Variants in RANBP2 observed in about 807,000 individuals in gnomAD.
RANBP2 encodes the protein RAN binding protein 2.
A neutral mutation model predicts 303.6 loss-of-function variants in RANBP2; 57 were observed. That is an observed-to-expected ratio of 0.19 (90% CI 0.15 to 0.23). The LOEUF (loss-of-function observed/expected upper bound fraction) is 0.23, where lower values mean the gene tolerates loss of function less well. Ranked by LOEUF, RANBP2 falls within the 10% of genes least tolerant of loss-of-function variation. The pLI is 1.00. For synonymous variants in RANBP2, 1,167 were observed against 1,301.5 expected, an observed-to-expected ratio of 0.90 and a Z score of 2.23; for missense variants, 3,138 against 3,780.8, an observed-to-expected ratio of 0.83 and a Z score of 4.46.
chr2:109,555,107 A>G, the RANBP2 span, among the ~76,000 whole-genome samples: 2 of 152,028 alleles, frequency 1.3e-5, no homozygotes, highest in Non-Finnish European at 2.9e-5. Flanking sequence ...TCTTTCTTTC[A>G]CTTTGTTCTT....
chr2:109,547,857 C>T, the RANBP2 span, among the ~76,000 whole-genome samples: 2 of 152,206 alleles, frequency 1.3e-5, no homozygotes, highest in African/African-American at 4.8e-5. Context: ...GGAAACTCAG[C>T]TTGCTCCAGC....
chr2:108,720,426 A>G (rs13003486), intron 1 of RANBP2, among the ~76,000 whole-genome samples: 3 of 152,164 alleles, frequency 2.0e-5, no homozygotes, highest in Admixed American at 6.5e-5. Context: ...TTTTCCACAA[A>G]TGTTTTAAGG....
At chr2:109,396,322 A>T in the RANBP2 span, among the ~76,000 whole-genome samples, 40 of 152,338 alleles carry the variant, frequency 2.6e-4, 1 homozygote, top group African/African-American at 9.6e-4. Context: ...ATTTCAAAGG[A>T]AATAACCCTA....
the RANBP2 span, among the ~76,000 whole-genome samples, chr2:109,441,415 A>G: frequency 2.0e-5 from 3 of 152,358 alleles, no homozygotes; most frequent in African/African-American, 7.2e-5. Flanking sequence ...AGAATATACT[A>G]GATGGAATTA....
At chr2:109,125,656 T>C in the RANBP2 span, among the ~76,000 whole-genome samples, 1 of 152,264 alleles carries the variant, frequency 6.6e-6, no homozygotes, top group African/African-American at 2.4e-5. Flanking sequence ...AGTACATAGA[T>C]GACTCATGTT....
the RANBP2 span, among the ~76,000 whole-genome samples, chr2:109,675,683 A>G: frequency 1.3e-5 from 2 of 151,780 alleles, no homozygotes; most frequent in Non-Finnish European, 2.9e-5. Flanking sequence ...ACTCTGTCTC[A>G]AAAAATAAGA....
At chr2:109,432,482 C>T in the RANBP2 span, 1 of 1,612,150 alleles carries the variant, frequency 6.2e-7, no homozygotes, top group Non-Finnish European at 8.5e-7. Context: ...CTGACACTGG[C>T]CCCATGCTTT....
the RANBP2 span, among the ~76,000 whole-genome samples, chr2:109,764,550 T>C: frequency 6.7e-6 from 1 of 149,954 alleles, no homozygotes; most frequent in East Asian, 2.0e-4. Context: ...ATTAGTGTTA[T>C]TGTCAAATGA....
the RANBP2 span, among the ~76,000 whole-genome samples, chr2:109,548,724 C>T: frequency 1.3e-4 from 17 of 129,930 alleles, no homozygotes; most frequent in African/African-American, 3.4e-4. Context: ...TGCAGTGAGC[C>T]GAGATAGCGC....
chr2:109,188,545 C>T, the RANBP2 span, among the ~76,000 whole-genome samples: 36 of 152,324 alleles, frequency 2.4e-4, 2 homozygotes, highest in South Asian at 6.0e-3. Context: ...AGCGGCATCC[C>T]CCGTCATTGT....
At chr2:109,293,030 A>G in the RANBP2 span, among the ~76,000 whole-genome samples, 6 of 152,124 alleles carry the variant, frequency 3.9e-5, no homozygotes, top group African/African-American at 1.4e-4. Flanking sequence ...CCGCACCCCA[A>G]TTTGACATTT....
chr2:108,932,111 G>A, the RANBP2 span, among the ~76,000 whole-genome samples: 175 of 152,250 alleles, frequency 1.1e-3, 1 homozygote, highest in African/African-American at 3.9e-3. Context: ...ACACCGTGAC[G>A]AACATATGCC....
the RANBP2 span, among the ~76,000 whole-genome samples, chr2:108,881,972 T>C: frequency 6.6e-6 from 1 of 152,004 alleles, no homozygotes; most frequent in African/African-American, 2.4e-5. Flanking sequence ...AGCAAGACCC[T>C]GTTTCTACAA....
the RANBP2 span, among the ~76,000 whole-genome samples, chr2:109,541,920 G>A: frequency 6.6e-6 from 1 of 152,148 alleles, no homozygotes; most frequent in Non-Finnish European, 1.5e-5. Flanking sequence ...TAGGAACACG[G>A]GGCTTACACT....
At chr2:108,856,925 C>T in the RANBP2 span, 6 of 1,612,430 alleles carry the variant, frequency 3.7e-6, no homozygotes, top group South Asian at 5.5e-5. Context: ...TAAAGGACTC[C>T]TGTCTAATGT....
At chr2:109,557,791 A>G in the RANBP2 span, among the ~76,000 whole-genome samples, 1 of 152,240 alleles carries the variant, frequency 6.6e-6, no homozygotes, top group Admixed American at 6.5e-5. Flanking sequence ...AAAAATAAAA[A>G]CATTTTCTTG....
chr2:109,349,615 C>A, the RANBP2 span, among the ~76,000 whole-genome samples: 1 of 152,186 alleles, frequency 6.6e-6, no homozygotes, highest in East Asian at 1.9e-4. Context: ...GGAGACAGAC[C>A]CCATAATGGC....
At chr2:109,262,137 T>G in the RANBP2 span, among the ~76,000 whole-genome samples, 1 of 152,132 alleles carries the variant, frequency 6.6e-6, no homozygotes, top group East Asian at 1.9e-4. Context: ...GGGAAATGCT[T>G]ATTATTACAG....
At chr2:109,141,198 C>T in the RANBP2 span, among the ~76,000 whole-genome samples, 6,640 of 152,302 alleles carry the variant, frequency 0.044, 211 homozygotes, top group Non-Finnish European at 0.067. Flanking sequence ...TGTGCAGTTT[C>T]TGGCTCCATT....
Sources: allele counts gnomAD v4.1 joint callset (sites outside exome capture counted in the v4.1 genomes callset), GRCh38; gene constraint gnomAD v4.1.1; transcripts MANE v1.5; gene names NCBI Gene and HGNC (gene_info 2026-07-23, HGNC 2026-07-21).